GOLIM4: variants seen among roughly 807,000 people sequenced by gnomAD.
The protein encoded by GOLIM4 is golgi integral membrane protein 4.
In GOLIM4, 71 loss-of-function variants were observed where a neutral mutation model predicts 107.4. The ratio of observed to expected loss-of-function variants is 0.66; its 90% CI spans 0.55 to 0.81. The LOEUF is 0.81. GOLIM4 is among the 30% of genes least tolerant of loss of function. The pLI, the probability that GOLIM4 is intolerant of heterozygous loss-of-function variation, is 0.00. For missense variants in GOLIM4, 830 were observed against 826.1 expected (o/e 1.00, Z -0.06); for synonymous variants, 327 against 294.8 (o/e 1.11, Z -1.12).
intron 1 of GOLIM4, among the ~76,000 whole-genome samples, chr3:168,057,529 A>C (rs974867423): frequency 2.0e-5 from 3 of 152,118 alleles, no homozygotes; most frequent in Non-Finnish European, 2.9e-5. Flanking sequence ...GCCACTTTTA[A>C]ACCATCAGAT....
Position 168,040,873 on chromosome 3 carries a change from C to A in GOLIM4, c.601-4G>T, listed in dbSNP as rs759205598. 6.3e-7 allele frequency: 1 copy of A among 1,599,218 alleles called. No homozygotes were observed. Among genetic ancestry groups the A allele is most frequent in the Non-Finnish European group, 8.6e-7 (1 of 1,167,154 alleles). On this transcript the variant is annotated splice_polypyrimidine_tract_variant and splice_region_variant and intron_variant, in intron 6 of 15. Transcript: ENST00000470487. ...AGAGTAAATTCTTATGCTGTTGCTACACAAAAAAGAATTTTACATGTTGAG... is the reference window on the plus strand; with the variant it reads ...AGAGTAAATTCTTATGCTGTTGCTAAACAAAAAAGAATTTTACATGTTGAG...
rs34547783 is a variant in GOLIM4, at chr3:168,019,953, C to CA, written c.1860+4572dup. On this transcript the variant is annotated intron_variant, in intron 14 of 15. Coordinates refer to ENST00000470487, the MANE Select transcript of GOLIM4 (RefSeq NM_014498.5). Reference sequence around the variant, plus strand: ...GATCAATTGCTTCAATTAGGGGTTACAAAAAAAAATGGTCACTTTGTATTT... The same window carrying CA: ...GATCAATTGCTTCAATTAGGGGTTACAAAAAAAAAATGGTCACTTTGTATTT... 1.5e-3 allele frequency among the ~76,000 whole-genome samples: 230 copies of CA among 150,188 alleles called. No individual in the cohort carries two copies. In the East Asian group the frequency reaches 0.018, roughly 12 times the overall value.
chr3:168,071,684 C>T (rs1236702016), intron 1 of GOLIM4, among the ~76,000 whole-genome samples: 1 of 151,446 alleles, frequency 6.6e-6, no homozygotes, highest in East Asian at 1.9e-4. Flanking sequence ...AGAATGCCGA[C>T]TTCACTGATT....
chr3:168,044,890 CAAAA>C lies in GOLIM4; in HGVS notation c.313-13_313-10del. 7 of 1,267,500 alleles carry C rather than the reference CAAAA, an allele frequency of 5.5e-6. No homozygotes were observed. Among genetic ancestry groups the C allele is most frequent in the Non-Finnish European group, 7.6e-6 (7 of 922,044 alleles). The allele number at this position is 1,267,500 out of a possible 1,614,324, so 78.5% of individuals were successfully genotyped here. A position where few individuals can be genotyped will look rare whatever the true frequency, so the allele number is the denominator to read the frequency against. ...CTGCTATTGGAATCTTGCTGTAAATCAAAAAAAAAAAAGAAAACACAAAGATAAA... is the reference window on the plus strand; with the variant it reads ...CTGCTATTGGAATCTTGCTGTAAATCAAAAAAAAGAAAACACAAAGATAAA... On this transcript the variant is annotated splice_polypyrimidine_tract_variant and intron_variant, in intron 3 of 15. Transcript: ENST00000470487.
At chr3:168,060,439 T>C (rs1262962208) in intron 1 of GOLIM4, among the ~76,000 whole-genome samples, 1 of 152,162 alleles carries the variant, frequency 6.6e-6, no homozygotes, top group Non-Finnish European at 1.5e-5. Context: ...CTGCATGTTA[T>C]CAGCTGAGAT....
intron 14 of GOLIM4, among the ~76,000 whole-genome samples, chr3:168,018,304 G>A (rs78183212): frequency 0.029 from 4,483 of 152,234 alleles, 210 homozygotes; most frequent in African/African-American, 0.1. Context: ...CTGCCTGAAG[G>A]TGTACAGCCC....
chr3:168,081,438 G>A (rs1721359203), intron 1 of GOLIM4, among the ~76,000 whole-genome samples: 2 of 152,152 alleles, frequency 1.3e-5, no homozygotes, highest in Non-Finnish European at 2.9e-5. Flanking sequence ...GATGGACTGG[G>A]AATATTCTTA....
At chr3:168,038,160 G>T (rs1450434168) in intron 7 of GOLIM4, among the ~76,000 whole-genome samples, 1 of 152,164 alleles carries the variant, frequency 6.6e-6, no homozygotes, top group Admixed American at 6.5e-5. Context: ...TTGTACAAAG[G>T]TGCACCATAT....
In GOLIM4 at chr3:168,010,787, G is replaced by C; in HGVS notation, c.1897C>G (p.Leu633Val). ...TAGGTCTCTTCAGCATTATGCTCCA[G>C]TTCCCTTTTTTTCTCTTCAGTCAAA... Reference protein sequence around the residue: ...EDLTEEKKRELEHNAEETYGE... With the variant: ...EDLTEEKKREVEHNAEETYGE... The change falls in exon 15 of 16, where the codon CTG becomes GTG. Residue 633 changes from leucine (L) to valine (V), a missense_variant. Transcript: ENST00000470487. The C allele has an allele frequency of 3.1e-6, 5 of 1,612,256 alleles. No homozygotes were observed. Among genetic ancestry groups the C allele is most frequent in the South Asian group, 1.1e-5 (1 of 91,046 alleles).
chr3:168,064,591 A>C (rs1577557112), intron 1 of GOLIM4, among the ~76,000 whole-genome samples: 1 of 147,076 alleles, frequency 6.8e-6, no homozygotes, highest in Non-Finnish European at 1.5e-5. Context: ...TGTTTAACAA[A>C]ATACTTGGGG....
At chr3:168,061,452 T>A (rs1008351435) in intron 1 of GOLIM4, among the ~76,000 whole-genome samples, 1 of 152,124 alleles carries the variant, frequency 6.6e-6, no homozygotes, top group African/African-American at 2.4e-5. Context: ...GACCTATAAA[T>A]CCCACTCCTA....
intron 1 of GOLIM4, among the ~76,000 whole-genome samples, chr3:168,055,491 A>G (rs1719895817): frequency 1.3e-5 from 2 of 152,282 alleles, no homozygotes; most frequent in South Asian, 2.1e-4. Flanking sequence ...ATTTCTAAGC[A>G]GCAAAGCATT....
chr3:168,047,102 T>C, intron 2 of GOLIM4, 103 bp from the exon 3 acceptor site: 2 of 593,618 alleles, frequency 3.4e-6, no homozygotes, highest in South Asian at 2.2e-5. Context: ...AAAAGTGTTT[T>C]AGGTTTAAAA....
intron 9 of GOLIM4, among the ~76,000 whole-genome samples, chr3:168,030,498 G>A (rs752377602): frequency 7.8e-6 from 1 of 128,542 alleles, no homozygotes; most frequent in Non-Finnish European, 1.6e-5. Context: ...CCAATCCCAG[G>A]CTAAGCATAG....
At chr3:168,033,344 G>T (rs71304665) in intron 8 of GOLIM4, among the ~76,000 whole-genome samples, 2 of 152,128 alleles carry the variant, frequency 1.3e-5, no homozygotes, top group East Asian at 3.9e-4. Flanking sequence ...GGTGGCTCAC[G>T]CCTGTAATCC....
At position 168,013,544 on chromosome 3, in the gene GOLIM4, T is replaced by C. The variant is rs947534836; in HGVS notation, c.1861-2721A>G. Among the ~76,000 whole-genome samples the C allele has an allele frequency of 1.5e-3, 214 of 139,480 alleles. 2 individuals carry two copies. The East Asian group carries it at 0.018, about 12-fold the overall frequency. 91.5% of individuals were successfully genotyped at this position (139,480 alleles called of 152,430 possible). A position where few individuals can be genotyped will look rare whatever the true frequency, so the allele number is the denominator to read the frequency against. ...TCAGCTCTGCACCAAGCGAACCTAA[T>C]AGACATCTACAGAACTCTCCACCCC... On this transcript the variant is annotated intron_variant, in intron 14 of 15. Coordinates refer to ENST00000470487, the MANE Select transcript of GOLIM4 (RefSeq NM_014498.5).
chr3:168,065,739 T>G (rs1313967179), intron 1 of GOLIM4, among the ~76,000 whole-genome samples: 1 of 152,206 alleles, frequency 6.6e-6, no homozygotes, highest in Non-Finnish European at 1.5e-5. Context: ...GAATCCAACC[T>G]TTAGGTTCCT....
intron 4 of GOLIM4, 68 bp from the exon 5 acceptor site, chr3:168,043,597 G>T: frequency 7.9e-7 from 1 of 1,264,024 alleles, no homozygotes; most frequent in Non-Finnish European, 1.1e-6. Flanking sequence ...TTTCTTGACA[G>T]CACAGTAAAC....
At chr3:168,018,645 ACAG>A (rs1577504201) in intron 14 of GOLIM4, among the ~76,000 whole-genome samples, 1 of 152,196 alleles carries the variant, frequency 6.6e-6, no homozygotes, top group East Asian at 1.9e-4. Context: ...GTGACATTCC[ACAG>A]GACATTGGGA....
Sources: gnomAD v4.1 joint callset for allele counts (sites outside exome capture counted in the v4.1 genomes callset) on GRCh38, gnomAD v4.1.1 for gene constraint, MANE v1.5 for transcripts, NCBI Gene and HGNC (gene_info 2026-07-23, HGNC 2026-07-21) for gene names.